Variants in FHIP1A observed in about 807,000 individuals in gnomAD.
The protein encoded by FHIP1A is FHF complex subunit HOOK interacting protein 1A.
A neutral mutation model predicts 88.6 loss-of-function variants in FHIP1A; 61 were observed. The observed-to-expected ratio is 0.69, with a 90% CI of 0.56 to 0.85. The LOEUF (loss-of-function observed/expected upper bound fraction) is 0.85. FHIP1A is among the 40% of genes least tolerant of loss of function. The pLI is 0.00. For synonymous variants in FHIP1A, 478 were observed against 496.0 expected (o/e 0.96, Z 0.48); for missense variants, 1,154 against 1,273.5 (o/e 0.91, Z 1.43).
At chr4:151,536,930 A>G (rs769681216) in intron 3 of FHIP1A, among the ~76,000 whole-genome samples, 112 of 152,114 alleles carry the variant, frequency 7.4e-4, no homozygotes, top group Non-Finnish European at 1.3e-3. Flanking sequence ...GCTGGAGTAC[A>G]GTGGCATGAA....
chr4:151,482,271 T>A (rs1729922042), intron 2 of FHIP1A, among the ~76,000 whole-genome samples: 1 of 152,118 alleles, frequency 6.6e-6, no homozygotes, highest in African/African-American at 2.4e-5. Flanking sequence ...TTGACATCTC[T>A]TATAAGATGG....
intron 3 of FHIP1A, among the ~76,000 whole-genome samples, chr4:151,503,706 TTC>T (rs1730729902): frequency 6.6e-6 from 1 of 152,240 alleles, no homozygotes; most frequent in African/African-American, 2.4e-5. Context: ...TGCTGAATTC[TTC>T]TGGCATGCTT....
intron 1 of FHIP1A, among the ~76,000 whole-genome samples, chr4:151,425,551 T>C (rs1035244236): frequency 1.3e-5 from 2 of 152,338 alleles, no homozygotes; most frequent in East Asian, 3.9e-4. Flanking sequence ...AAAGAGTTCT[T>C]ATTTCTTAAA....
intron 3 of FHIP1A, among the ~76,000 whole-genome samples, chr4:151,559,583 C>T (rs552250945): frequency 6.6e-6 from 1 of 152,278 alleles, no homozygotes; most frequent in African/African-American, 2.4e-5. Flanking sequence ...CAGCCTTATC[C>T]TATCAGTACA....
At chr4:151,500,690 T>G (rs1414444649) in intron 3 of FHIP1A, among the ~76,000 whole-genome samples, 1 of 152,200 alleles carries the variant, frequency 6.6e-6, no homozygotes, top group African/African-American at 2.4e-5. Context: ...ATTAATGGTA[T>G]TCATTGTGGT....
At chr4:151,559,209 G>A (rs1733074485) in intron 3 of FHIP1A, among the ~76,000 whole-genome samples, 1 of 152,108 alleles carries the variant, frequency 6.6e-6, no homozygotes, top group Non-Finnish European at 1.5e-5. Context: ...TTCATATTGA[G>A]ACTCAGAAGA....
At chr4:151,447,554 C>T (rs1728650500) in intron 1 of FHIP1A, among the ~76,000 whole-genome samples, 1 of 152,100 alleles carries the variant, frequency 6.6e-6, no homozygotes, top group African/African-American at 2.4e-5. Context: ...TGCCCACTAT[C>T]ATTTATATTG....
chr4:151,638,009 T>C lies in FHIP1A; in HGVS notation c.1147-668T>C, dbSNP rs116857369. ...CTTACTCTCAAAAGGGTACAAAGAT[T>C]TTACAATACACCTTTGGGTATCTCC... On this transcript the variant is annotated intron_variant, in intron 8 of 13. Transcript: ENST00000435205. 7.6e-4 allele frequency among the ~76,000 whole-genome samples: 116 copies of C among 152,256 alleles called. No individual in the cohort carries two copies. In the East Asian group the frequency reaches 0.02, roughly 27 times the overall value.
chr4:151,488,449 A>G (rs7680236), intron 3 of FHIP1A, among the ~76,000 whole-genome samples: 79,038 of 152,006 alleles, frequency 0.52, 20,840 homozygotes, highest in African/African-American at 0.55. Flanking sequence ...CTGCATCCAT[A>G]TTGTTGCAAA....
chr4:151,618,522 G>C (rs763875846), intron 7 of FHIP1A, among the ~76,000 whole-genome samples: 5 of 152,214 alleles, frequency 3.3e-5, no homozygotes, highest in Non-Finnish European at 7.3e-5. Context: ...CTTTATGTTT[G>C]CATTAGAGGG....
intron 3 of FHIP1A, among the ~76,000 whole-genome samples, chr4:151,494,182 G>A (rs1038917158): frequency 3.3e-5 from 5 of 152,140 alleles, no homozygotes; most frequent in Non-Finnish European, 5.9e-5. Flanking sequence ...TGTTTACTCT[G>A]TTGATAGTTT....
intron 7 of FHIP1A, among the ~76,000 whole-genome samples, chr4:151,621,388 C>A (rs1033899574): frequency 8.3e-6 from 1 of 120,114 alleles, no homozygotes; most frequent in Admixed American, 7.7e-5. Flanking sequence ...GAGGTCTTTC[C>A]GGTGCTCATG....
chr4:151,602,593 G>A (rs575598828), intron 7 of FHIP1A, among the ~76,000 whole-genome samples: 15 of 152,330 alleles, frequency 9.8e-5, no homozygotes, highest in African/African-American at 2.9e-4. Context: ...GTGTTTGGAT[G>A]AAAGTACGCC....
intron 3 of FHIP1A, among the ~76,000 whole-genome samples, chr4:151,549,774 C>G (rs1189022596): frequency 1.3e-5 from 2 of 152,140 alleles, no homozygotes; most frequent in Non-Finnish European, 2.9e-5. Flanking sequence ...AGAGCCCTCT[C>G]TTGGGATCTG....
chr4:151,418,870 T>G (rs1733003674), intron 1 of FHIP1A, among the ~76,000 whole-genome samples: 1 of 152,232 alleles, frequency 6.6e-6, no homozygotes, highest in African/African-American at 2.4e-5. Context: ...CTTATTATTA[T>G]ATGGCCAATT....
At chr4:151,490,600 TC>T (rs1228317166) in intron 3 of FHIP1A, among the ~76,000 whole-genome samples, 4 of 151,792 alleles carry the variant, frequency 2.6e-5, no homozygotes, top group Admixed American at 6.6e-5. Context: ...CAGAATGTGA[TC>T]CCCAAAAGAT....
At chr4:151,493,808 T>C (rs1284736591) in intron 3 of FHIP1A, among the ~76,000 whole-genome samples, 2 of 152,134 alleles carry the variant, frequency 1.3e-5, no homozygotes, top group African/African-American at 2.4e-5. Context: ...AAAATCAACA[T>C]TGAAGGGACA....
At chr4:151,514,773 A>G (rs1456841350) in intron 3 of FHIP1A, among the ~76,000 whole-genome samples, 1 of 152,152 alleles carries the variant, frequency 6.6e-6, no homozygotes, top group African/African-American at 2.4e-5. Context: ...GAATCTCTGA[A>G]TAGACCAATA....
intron 5 of FHIP1A, among the ~76,000 whole-genome samples, chr4:151,585,387 C>T (rs1734173432): frequency 6.6e-6 from 1 of 152,252 alleles, no homozygotes; most frequent in Non-Finnish European, 1.5e-5. Flanking sequence ...GCCATGTTGG[C>T]CGGACTGGTC....
Sources: gnomAD v4.1 joint callset for allele counts (sites outside exome capture counted in the v4.1 genomes callset) on GRCh38, gnomAD v4.1.1 for gene constraint, MANE v1.5 for transcripts, NCBI Gene and HGNC (gene_info 2026-07-23, HGNC 2026-07-21) for gene names.